UBTD2: variants seen among roughly 807,000 people sequenced by gnomAD.
UBTD2 encodes the protein ubiquitin domain-containing protein 2.
In UBTD2, 9 loss-of-function variants were observed where a neutral mutation model predicts 19.8. The ratio of observed to expected loss-of-function variants is 0.46; its 90% confidence interval spans 0.27 to 0.79. The LOEUF is 0.79. Among genes scored for constraint, UBTD2 ranks in the 30% least tolerant of loss-of-function variants. The pLI is 0.14. For missense variants in UBTD2, 250 were observed against 300.4 expected, an observed-to-expected ratio of 0.83 and a Z score of 1.24; for synonymous variants, 98 against 103.9, an observed-to-expected ratio of 0.94 and a Z score of 0.35.
intron 1 of UBTD2, among the ~76,000 whole-genome samples, chr5:172,265,231 C>T (rs2113107855): frequency 6.6e-6 from 1 of 152,294 alleles, no homozygotes; most frequent in African/African-American, 2.4e-5. Flanking sequence ...AGTTAATTAC[C>T]ATGAAGAGTC....
intron 1 of UBTD2, among the ~76,000 whole-genome samples, chr5:172,263,309 A>C (rs553739327): frequency 2.0e-5 from 3 of 152,204 alleles, no homozygotes; most frequent in Non-Finnish European, 4.4e-5. Flanking sequence ...GTATGTCACT[A>C]GGTGTATTCA....
At chr5:172,242,408 G>C in intron 1 of UBTD2, 1 of 985,222 alleles carries the variant, frequency 1.0e-6, no homozygotes, top group Non-Finnish European at 1.2e-6. Context: ...TCCAATCAAG[G>C]CTTATGTGTT....
intron 1 of UBTD2, among the ~76,000 whole-genome samples, chr5:172,244,919 G>A (rs991586503): frequency 3.9e-5 from 6 of 151,984 alleles, no homozygotes; most frequent in African/African-American, 1.2e-4. Flanking sequence ...AGTAGAGACG[G>A]GTTTCACCAT....
At position 172,211,895 on chromosome 5, in the gene UBTD2, T is replaced by C; in HGVS notation, c.640A>G (p.Lys214Glu). 1 of 1,614,168 alleles carries C rather than the reference T, an allele frequency of 6.2e-7. No homozygotes were observed. The highest frequency in any genetic ancestry group is 8.5e-7 in the Non-Finnish European group (1 of 1,180,044). Reference protein sequence around the residue: ...KMKFEELKIPKDYVVQVIVSQ... With the variant: ...KMKFEELKIPEDYVVQVIVSQ... ...ACTATAACCTGTACAACATAGTCCT[T>C]TGGGATCTTCAGCTCTTCGAACTTC... Residue 214 changes from lysine (K) to glutamate (E), a missense_variant, in exon 3 of 3, where the codon AAG (lysine) becomes GAG (glutamate). Transcript: ENST00000393792.
At chr5:172,213,141 C>A (rs989716483) in intron 2 of UBTD2, among the ~76,000 whole-genome samples, 5 of 151,166 alleles carry the variant, frequency 3.3e-5, no homozygotes, top group Non-Finnish European at 5.9e-5. Flanking sequence ...CAGGCGCACA[C>A]CACCACGCCT....
chr5:172,272,061 A>C (rs1167242212), intron 1 of UBTD2, among the ~76,000 whole-genome samples: 14 of 152,226 alleles, frequency 9.2e-5, no homozygotes, highest in Admixed American at 9.2e-4. Flanking sequence ...TTTTTCTTAG[A>C]TGTCTAACTT....
intron 1 of UBTD2, among the ~76,000 whole-genome samples, chr5:172,234,709 C>T (rs7729068): frequency 0.3 from 45,678 of 151,904 alleles, 6,986 homozygotes; most frequent in South Asian, 0.42. Context: ...GAGTTCGAGA[C>T]TAGCCTGGGC....
intron 2 of UBTD2, among the ~76,000 whole-genome samples, chr5:172,223,351 T>C (rs1355940095): frequency 6.6e-6 from 1 of 151,936 alleles, no homozygotes; most frequent in East Asian, 1.9e-4. Flanking sequence ...ATGACTGTAA[T>C]CCCAGCACTT....
chr5:172,218,775 CAA>C (rs1196929218), intron 2 of UBTD2, among the ~76,000 whole-genome samples: 2,390 of 50,402 alleles, frequency 0.047, 63 homozygotes, highest in African/African-American at 0.16. Flanking sequence ...ACCCTGTCAC[CAA>C]AAAAAAAAAA....
intron 1 of UBTD2, among the ~76,000 whole-genome samples, chr5:172,238,366 T>C (rs1391541442): frequency 1.3e-5 from 2 of 152,210 alleles, no homozygotes; most frequent in South Asian, 2.1e-4. Context: ...CAACCATCTT[T>C]AGTGCACTAT....
chr5:172,276,304 T>A (rs1257845542), intron 1 of UBTD2, among the ~76,000 whole-genome samples: 1 of 152,198 alleles, frequency 6.6e-6, no homozygotes. Flanking sequence ...ATTCTTTTCA[T>A]CAGATAAGCT....
At chr5:172,259,622 T>C (rs1298444163) in intron 1 of UBTD2, among the ~76,000 whole-genome samples, 2 of 151,690 alleles carry the variant, frequency 1.3e-5, no homozygotes. Flanking sequence ...GTGGAGGCGG[T>C]GTGGGGGTGG....
intron 1 of UBTD2, among the ~76,000 whole-genome samples, chr5:172,239,574 C>G (rs556390735): frequency 1.8e-4 from 28 of 152,104 alleles, no homozygotes; most frequent in African/African-American, 6.5e-4. Flanking sequence ...GCGCCTGCCA[C>G]CACGCCTAGC....
At chr5:172,249,847 C>T (rs1380349355) in intron 1 of UBTD2, among the ~76,000 whole-genome samples, 1 of 152,136 alleles carries the variant, frequency 6.6e-6, no homozygotes, top group Admixed American at 6.5e-5. Context: ...TGCAGAAAAA[C>T]ATCAGACAAA....
In UBTD2 at chr5:172,210,749, T is replaced by G. The variant is rs904155222; in HGVS notation, c.*1081A>C. 6.6e-6 allele frequency: 1 copy of G among 152,136 alleles called. No individual in the cohort carries two copies. Among genetic ancestry groups the G allele is most frequent in the South Asian group, 2.1e-4 (1 of 4,824 alleles). 9.4% of individuals were successfully genotyped at this position (152,136 alleles called of 1,614,324 possible). On this transcript the variant is annotated 3_prime_UTR_variant, in exon 3 of 3. Transcript: ENST00000393792. ...AGTAAATCTTTCACACTTAAAAATT[T>G]TGAGTTGAAATTTCCTCTAAAAGAC...
Position 172,213,602 on chromosome 5 carries a change from A to G in UBTD2, c.308-1375T>C, listed in dbSNP as rs1463593140. ...TTAACTTCCTTACAAATCATATATT[A>G]TAATTTCAAAATCAAAAACAAAATT... On this transcript the variant is annotated intron_variant, in intron 2 of 2. Transcript: ENST00000393792. Among the ~76,000 whole-genome samples the G allele has an allele frequency of 1.9e-4, 29 of 152,142 alleles. 1 individual carries two copies. The highest frequency in any genetic ancestry group is 1.9e-3 in the Admixed American group (29 of 15,270).
chr5:172,256,386 C>CA (rs554007437), intron 1 of UBTD2, among the ~76,000 whole-genome samples: 5 of 147,430 alleles, frequency 3.4e-5, no homozygotes, highest in African/African-American at 5.0e-5. Context: ...TTTCCTTATA[C>CA]TTTTTTTTTT....
chr5:172,243,106 G>A (rs1309606378), intron 1 of UBTD2, among the ~76,000 whole-genome samples: 1 of 149,130 alleles, frequency 6.7e-6, no homozygotes, highest in African/African-American at 2.5e-5. Context: ...GGGATTACAG[G>A]TGTCAGCCAC....
intron 1 of UBTD2, among the ~76,000 whole-genome samples, chr5:172,268,070 T>C (rs980938845): frequency 6.6e-6 from 1 of 152,218 alleles, no homozygotes; most frequent in Non-Finnish European, 1.5e-5. Flanking sequence ...CAAATGATAA[T>C]TGATCCTAAA....
Sources: allele counts gnomAD v4.1 joint callset (sites outside exome capture counted in the v4.1 genomes callset), GRCh38; gene constraint gnomAD v4.1.1; transcripts MANE v1.5; gene names NCBI Gene and HGNC (gene_info 2026-07-23, HGNC 2026-07-21).